Variants in SEMA3E observed in about 807,000 individuals in gnomAD.
The protein encoded by SEMA3E is semaphorin 3E, also known as semaphorin-3E.
In SEMA3E, 49 loss-of-function variants were observed where a neutral mutation model predicts 93.6. That is an observed-to-expected ratio of 0.52 (90% confidence interval 0.42 to 0.66). SEMA3E has a LOEUF of 0.66. SEMA3E is among the 30% of genes least tolerant of loss of function. The pLI, the probability that SEMA3E is intolerant of heterozygous loss-of-function variation, is 0.00. For synonymous variants in SEMA3E, 363 were observed against 330.7 expected (o/e 1.10, Z -1.06); for missense variants, 906 against 964.8 (o/e 0.94, Z 0.81).
chr7:83,592,579 A>G (rs748113248), intron 1 of SEMA3E, among the ~76,000 whole-genome samples: 1 of 152,190 alleles, frequency 6.6e-6, no homozygotes, highest in Non-Finnish European at 1.5e-5. Context: ...TTGATGATTG[A>G]GTATTGAGGG....
intron 16 of SEMA3E, among the ~76,000 whole-genome samples, chr7:83,379,666 T>C (rs1361262603): frequency 6.6e-6 from 1 of 151,902 alleles, no homozygotes; most frequent in Non-Finnish European, 1.5e-5. Flanking sequence ...CACTGCATTG[T>C]GTCTAAGGGC....
At chr7:83,514,607 A>G (rs1180356638) in intron 1 of SEMA3E, among the ~76,000 whole-genome samples, 1 of 152,168 alleles carries the variant, frequency 6.6e-6, no homozygotes, top group Non-Finnish European at 1.5e-5. Flanking sequence ...TATTGTATAT[A>G]TTTTATAAGC....
chr7:83,535,482 T>C (rs1791394260), intron 1 of SEMA3E, among the ~76,000 whole-genome samples: 1 of 151,986 alleles, frequency 6.6e-6, no homozygotes, highest in African/African-American at 2.4e-5. Flanking sequence ...CAAATATGTT[T>C]TGCTTAGGTA....
chr7:83,432,914 A>C (rs763596411), intron 4 of SEMA3E, among the ~76,000 whole-genome samples: 13 of 152,154 alleles, frequency 8.5e-5, no homozygotes, highest in Admixed American at 2.6e-4. Context: ...ATCTTATTGT[A>C]ATTTTTCAAA....
At chr7:83,551,949 T>A (rs1366889438) in intron 1 of SEMA3E, among the ~76,000 whole-genome samples, 2 of 152,180 alleles carry the variant, frequency 1.3e-5, no homozygotes, top group Non-Finnish European at 2.9e-5. Flanking sequence ...CACTCTAACA[T>A]CTACACATTA....
intron 1 of SEMA3E, among the ~76,000 whole-genome samples, chr7:83,609,901 T>C (rs1793213005): frequency 6.6e-6 from 1 of 151,982 alleles, no homozygotes; most frequent in African/African-American, 2.4e-5. Context: ...AAATATTGTA[T>C]ATTGAATAAT....
intron 4 of SEMA3E, among the ~76,000 whole-genome samples, chr7:83,444,064 G>A (rs1432397475): frequency 6.6e-6 from 1 of 152,086 alleles, no homozygotes; most frequent in East Asian, 1.9e-4. Context: ...TTTGTCTTAA[G>A]TACAATTAAA....
rs567139952 is a variant in SEMA3E, at chr7:83,368,264, T to C, written c.1876-226A>G. Among the ~76,000 whole-genome samples the C allele has an allele frequency of 1.1e-3, 170 of 151,226 alleles. 2 individuals carry two copies. The highest frequency in any genetic ancestry group is 4.0e-3 in the African/African-American group (163 of 40,654). ...ATTCTGAAGATATTTACATTGGTGG[T>C]CACTTCATATCAATGACCTTGAGAT... is the stretch of plus-strand genomic sequence containing the variant. On this transcript the variant is annotated intron_variant, in intron 16 of 16. Transcript: ENST00000643230.
intron 1 of SEMA3E, among the ~76,000 whole-genome samples, chr7:83,574,194 T>C (rs1169026848): frequency 6.6e-6 from 1 of 152,158 alleles, no homozygotes; most frequent in Non-Finnish European, 1.5e-5. Context: ...GCTAATTCTG[T>C]CTGAAGGACA....
chr7:83,573,373 T>C (rs1792327014), intron 1 of SEMA3E, among the ~76,000 whole-genome samples: 1 of 152,250 alleles, frequency 6.6e-6, no homozygotes, highest in African/African-American at 2.4e-5. Flanking sequence ...CACTATCATA[T>C]TTAATAAAAT....
intron 1 of SEMA3E, among the ~76,000 whole-genome samples, chr7:83,609,885 A>C (rs968718526): frequency 2.0e-5 from 3 of 152,004 alleles, no homozygotes; most frequent in Non-Finnish European, 4.4e-5. Flanking sequence ...TTACATTTAT[A>C]AAATTAAATA....
intron 1 of SEMA3E, among the ~76,000 whole-genome samples, chr7:83,553,312 C>G (rs1377895603): frequency 6.6e-6 from 1 of 152,146 alleles, no homozygotes; most frequent in Admixed American, 6.6e-5. Context: ...CCCTACAGTC[C>G]TCCACTTAGC....
chr7:83,477,613 C>T (rs918418556), intron 2 of SEMA3E, among the ~76,000 whole-genome samples: 10 of 151,966 alleles, frequency 6.6e-5, no homozygotes, highest in Admixed American at 5.2e-4. Context: ...GCTTATTCTC[C>T]TAAGCATTTG....
chr7:83,426,200 T>C (rs2115725326), intron 4 of SEMA3E, among the ~76,000 whole-genome samples: 1 of 152,314 alleles, frequency 6.6e-6, no homozygotes, highest in South Asian at 2.1e-4. Context: ...AGAATTATCA[T>C]TCAACCCAGC....
At chr7:83,424,034 C>A (rs1788722536) in intron 4 of SEMA3E, among the ~76,000 whole-genome samples, 1 of 152,042 alleles carries the variant, frequency 6.6e-6, no homozygotes, top group South Asian at 2.1e-4. Flanking sequence ...TGGAACATCA[C>A]TGCAGTAGAA....
chr7:83,483,610 G>T (rs1040838706), intron 2 of SEMA3E, among the ~76,000 whole-genome samples: 3 of 152,030 alleles, frequency 2.0e-5, no homozygotes, highest in African/African-American at 7.2e-5. Flanking sequence ...TTTATAGACA[G>T]AAAAAGAAGA....
At chr7:83,551,461 C>T (rs895275484) in intron 1 of SEMA3E, among the ~76,000 whole-genome samples, 1 of 151,254 alleles carries the variant, frequency 6.6e-6, no homozygotes, top group Non-Finnish European at 1.5e-5. Flanking sequence ...ATTTTTTAAA[C>T]AAAACAATAA....
intron 1 of SEMA3E, among the ~76,000 whole-genome samples, chr7:83,512,940 G>A (rs1237280769): frequency 4.6e-5 from 7 of 152,136 alleles, no homozygotes; most frequent in Non-Finnish European, 8.8e-5. Flanking sequence ...CTAAAGTAAT[G>A]CCATACATTA....
chr7:83,430,034 T>C (rs925662357), intron 4 of SEMA3E, among the ~76,000 whole-genome samples: 1 of 152,218 alleles, frequency 6.6e-6, no homozygotes, highest in African/African-American at 2.4e-5. Flanking sequence ...AACAAACACT[T>C]AAGAAGCTTA....
Sources: gnomAD v4.1 joint callset for allele counts (sites outside exome capture counted in the v4.1 genomes callset) on GRCh38, gnomAD v4.1.1 for gene constraint, MANE v1.5 for transcripts, NCBI Gene and HGNC (gene_info 2026-07-23, HGNC 2026-07-21) for gene names.